GMDS: variants seen among roughly 807,000 people sequenced by gnomAD.
GMDS encodes the protein GDP-mannose 4,6 dehydratase.
GMDS carries 20 observed loss-of-function variants against 49.9 expected under a neutral mutation model. The ratio of observed to expected loss-of-function variants is 0.40; its 90% CI spans 0.28 to 0.58. The LOEUF is 0.58. GMDS is among the 20% of genes least tolerant of loss of function. The pLI, the probability that GMDS is intolerant of heterozygous loss-of-function variation, is 0.42. For synonymous variants in GMDS, 177 were observed against 178.6 expected, an observed-to-expected ratio of 0.99 and a Z score of 0.07; for missense variants, 362 against 481.4, an observed-to-expected ratio of 0.75 and a Z score of 2.32.
At chr6:2,004,535 A>T (rs1434940816) in intron 4 of GMDS, among the ~76,000 whole-genome samples, 2 of 152,174 alleles carry the variant, frequency 1.3e-5, no homozygotes, top group East Asian at 3.8e-4. Flanking sequence ...CAGATATTAT[A>T]CCAGGGAAGT....
rs1038007212 is a variant in GMDS, at chr6:1,766,334, G to A, written c.772-23748C>T. 1.8e-4 allele frequency among the ~76,000 whole-genome samples: 27 copies of A among 152,108 alleles called. No individual in the cohort carries two copies. Among genetic ancestry groups the A allele is most frequent in the Admixed American group, 1.4e-3 (22 of 15,268 alleles). ...GATTCATTTGGGCTTCAGGAAACGCGGTGCATGAGCTGTTTCAGGTGCTGG... is the reference window on the plus strand; with the variant it reads ...GATTCATTTGGGCTTCAGGAAACGCAGTGCATGAGCTGTTTCAGGTGCTGG... On this transcript the variant is annotated intron_variant, in intron 7 of 10. Coordinates refer to ENST00000380815, the MANE Select transcript of GMDS (RefSeq NM_001500.4). This position sits in a 1 kb window ranked among gnomAD's most constrained non-coding sequence, Gnocchi z 4.5.
rs893642229 is a variant in GMDS at position 2,235,775 on chromosome 6, G to GT, written c.102+9545_102+9546insA. ...TCCAGTGATCTGTGTTTGCACTGCTGCACTCCAGCCTGAGCAAGACCCTTT... is the reference window on the plus strand; with the variant it reads ...TCCAGTGATCTGTGTTTGCACTGCTGTCACTCCAGCCTGAGCAAGACCCTTT... On this transcript the variant is annotated intron_variant, in intron 1 of 10. Transcript: ENST00000380815. 4.0e-5 allele frequency among the ~76,000 whole-genome samples: 6 copies of GT among 150,134 alleles called. No homozygotes were observed. In the Middle Eastern group the frequency reaches 0.017, roughly 437 times the overall value.
rs571400493 is a variant in GMDS, at chr6:1,679,969, T to C, written c.987+46447A>G. 8.5e-5 allele frequency: 13 copies of C among 152,340 alleles called. No homozygotes were observed. In the East Asian group the frequency reaches 1.7e-3, roughly 20 times the overall value. The allele number at this position is 152,340 out of a possible 1,614,324, so 9.4% of individuals were successfully genotyped here. A position where few individuals can be genotyped will look rare whatever the true frequency, so the allele number is the denominator to read the frequency against. The stretch of plus-strand genomic sequence containing the variant: ...AAAGGAAAGAAAACAAAATAAAAGA[T>C]TGACAATGAAATATATTGTTCTTGG... On this transcript the variant is annotated intron_variant, in intron 9 of 10. Transcript: ENST00000380815.
At position 1,714,567 on chromosome 6, in the gene GMDS, T is replaced by C. The variant is rs969043851; in HGVS notation, c.987+11849A>G. On this transcript the variant is annotated intron_variant, in intron 9 of 10. Transcript: ENST00000380815. ...CTTTGTAATTCAGAAAGTTTCAGAG[T>C]AGCAGAGAAACGCGTGTCATGGGGA... Among the ~76,000 whole-genome samples the C allele has an allele frequency of 2.0e-5, 3 of 152,154 alleles. No individual in the cohort carries two copies. In the East Asian group the frequency reaches 5.8e-4, roughly 29 times the overall value.
At chr6:1,706,705 G>C (rs1236518793) in intron 9 of GMDS, among the ~76,000 whole-genome samples, 5 of 152,230 alleles carry the variant, frequency 3.3e-5, no homozygotes, top group African/African-American at 1.2e-4. Flanking sequence ...GCTCACCTGT[G>C]TGTAGGTTTC....
At chr6:2,185,460 C>A (rs78117592) in intron 1 of GMDS, among the ~76,000 whole-genome samples, 6,744 of 152,254 alleles carry the variant, frequency 0.044, 230 homozygotes, top group Non-Finnish European at 0.07. Flanking sequence ...TAAATTGGTA[C>A]ACATTGAGAT....
intron 8 of GMDS, among the ~76,000 whole-genome samples, chr6:1,741,397 C>A (rs1383671685): frequency 3.9e-5 from 6 of 152,180 alleles, no homozygotes; most frequent in Non-Finnish European, 8.8e-5. Context: ...TCTCTATCAT[C>A]TTTCTTTAGA....
chr6:1,876,524 AGAG>A (rs1054417556), intron 7 of GMDS, among the ~76,000 whole-genome samples: 15 of 152,290 alleles, frequency 9.8e-5, no homozygotes, highest in African/African-American at 3.1e-4. Flanking sequence ...GGTAGAAAAG[AGAG>A]GAGGTTTGAG....
chr6:1,807,314 T>G (rs1377039217), intron 7 of GMDS, among the ~76,000 whole-genome samples: 3 of 152,238 alleles, frequency 2.0e-5, no homozygotes, highest in African/African-American at 7.2e-5. Flanking sequence ...AGTGTTGGGA[T>G]TATACTGCAC....
At chr6:1,930,640 A>T (rs994229048) in intron 6 of GMDS, 1 of 156,128 alleles carries the variant, frequency 6.4e-6, no homozygotes, top group African/African-American at 2.4e-5. Context: ...TTTTTTTAAG[A>T]ACACAAACAT....
intron 4 of GMDS, among the ~76,000 whole-genome samples, chr6:2,030,547 C>T (rs1416772691): frequency 6.6e-6 from 1 of 152,164 alleles, no homozygotes; most frequent in African/African-American, 2.4e-5. Flanking sequence ...GCAGTTTGTA[C>T]AACACATTTG....
intron 6 of GMDS, among the ~76,000 whole-genome samples, chr6:1,958,395 G>A (rs1763759745): frequency 6.6e-6 from 1 of 152,040 alleles, no homozygotes; most frequent in Non-Finnish European, 1.5e-5. Flanking sequence ...TACCACGACT[G>A]AGCAGACTCT....
intron 1 of GMDS, among the ~76,000 whole-genome samples, chr6:2,234,158 CCAATCCAA>C (rs1781242340): frequency 6.6e-6 from 1 of 152,032 alleles, no homozygotes. Context: ...CCTGACTTTC[CCAATCCAA>C]CAATCCAATC....
At chr6:1,702,818 A>G (rs750744329) in intron 9 of GMDS, among the ~76,000 whole-genome samples, 6 of 152,186 alleles carry the variant, frequency 3.9e-5, no homozygotes, top group Non-Finnish European at 1.5e-5. Flanking sequence ...GGTGACCCTA[A>G]CCTCAATCTG....
At chr6:2,236,549 C>A (rs1781362543) in intron 1 of GMDS, among the ~76,000 whole-genome samples, 1 of 152,190 alleles carries the variant, frequency 6.6e-6, no homozygotes, top group Non-Finnish European at 1.5e-5. Flanking sequence ...CTACAATAAA[C>A]ACGTTTATCA....
chr6:1,650,093 A>G (rs973949482), intron 9 of GMDS, among the ~76,000 whole-genome samples: 1 of 152,192 alleles, frequency 6.6e-6, no homozygotes, highest in Non-Finnish European at 1.5e-5. Flanking sequence ...TGCTGGCCGT[A>G]ATCATCTAGG....
intron 7 of GMDS, among the ~76,000 whole-genome samples, chr6:1,771,033 C>T (rs1167120698): frequency 2.0e-5 from 3 of 151,868 alleles, no homozygotes; most frequent in Non-Finnish European, 2.9e-5. Flanking sequence ...TATAAACAAA[C>T]TAAAATTAAA....
At chr6:1,902,635 T>C (rs1760553379) in intron 7 of GMDS, among the ~76,000 whole-genome samples, 1 of 152,128 alleles carries the variant, frequency 6.6e-6, no homozygotes, top group South Asian at 2.1e-4. Flanking sequence ...ATAAGGTGAA[T>C]ATAGGATAAA....
intron 1 of GMDS, among the ~76,000 whole-genome samples, chr6:2,198,648 C>T (rs998794739): frequency 1.3e-5 from 2 of 151,542 alleles, no homozygotes; most frequent in Admixed American, 1.3e-4. Context: ...TTTACTGCTA[C>T]GAGGTATTTT....
Sources: allele counts gnomAD v4.1 joint callset (sites outside exome capture counted in the v4.1 genomes callset), GRCh38; gene constraint gnomAD v4.1.1; non-coding constraint Gnocchi (gnomAD v3.1); transcripts MANE v1.5; gene names NCBI Gene and HGNC (gene_info 2026-07-23, HGNC 2026-07-21).